The following LACTB2 variants were observed in gnomAD, a reference collection of about 807,000 sequenced individuals.
LACTB2 encodes the protein endoribonuclease LACTB2.
In LACTB2, 32 loss-of-function variants were observed where a neutral mutation model predicts 34.8. That is an observed-to-expected ratio of 0.92 (90% CI 0.69 to 1.24). The LOEUF is 1.24. Among genes scored for constraint, LACTB2 ranks in the 50% most tolerant of loss-of-function variants. LACTB2 has a pLI of 0.00. For missense variants in LACTB2, 320 were observed against 345.0 expected, an observed-to-expected ratio of 0.93 and a Z score of 0.57; for synonymous variants, 120 against 117.5, an observed-to-expected ratio of 1.02 and a Z score of -0.14.
intron 3 of LACTB2, chr8:70,652,442 T>C (rs1389624570): frequency 6.6e-6 from 1 of 152,390 alleles, no homozygotes; most frequent in East Asian, 1.9e-4. Context: ...TGAGAATTTA[T>C]ATTTTGAGAA....
intron 3 of LACTB2, among the ~76,000 whole-genome samples, chr8:70,651,486 T>C (rs1457873803): frequency 2.0e-5 from 3 of 152,214 alleles, no homozygotes; most frequent in Non-Finnish European, 2.9e-5. Flanking sequence ...GACAATCTTA[T>C]GAATACATAG....
intron 4 of LACTB2, 93 bp downstream of exon 4, chr8:70,643,971 GA>G (rs1818231860): frequency 7.9e-7 from 1 of 1,262,554 alleles, no homozygotes; most frequent in African/African-American, 1.5e-5. Context: ...AGGACTGCTT[GA>G]GGTCAGGAGT....
At chr8:70,651,730 T>C (rs1472381250) in intron 3 of LACTB2, 3 of 152,090 alleles carry the variant, frequency 2.0e-5, no homozygotes, top group Non-Finnish European at 4.4e-5. Context: ...TTTCTTAAAT[T>C]GGGGAATCAG....
At chr8:70,663,749 T>C (rs1319423073) in intron 1 of LACTB2, among the ~76,000 whole-genome samples, 2 of 152,150 alleles carry the variant, frequency 1.3e-5, no homozygotes, top group East Asian at 3.8e-4. Context: ...CGGGTCAGAG[T>C]GAGTTCTGAT....
intron 4 of LACTB2, among the ~76,000 whole-genome samples, 195 bp from the exon 5 acceptor site, chr8:70,641,245 A>T (rs1244832896): frequency 6.6e-6 from 1 of 152,228 alleles, no homozygotes; most frequent in Non-Finnish European, 1.5e-5. Flanking sequence ...CCCAATTAGA[A>T]AATTATAGCA....
intron 2 of LACTB2, 40 bp from the exon 3 acceptor site, chr8:70,657,922 A>T (rs371913134): frequency 7.1e-7 from 1 of 1,399,378 alleles, no homozygotes; most frequent in Admixed American, 2.1e-5. Context: ...TTCACACTTT[A>T]TAATTAAGCC....
At chr8:70,650,752 A>AG (rs924396510) in intron 3 of LACTB2, among the ~76,000 whole-genome samples, 3 of 148,254 alleles carry the variant, frequency 2.0e-5, no homozygotes, top group African/African-American at 7.5e-5. Context: ...AAAAAAAAAA[A>AG]AAAAAAGAAA....
Position 70,669,153 on chromosome 8 carries a change from A to T in LACTB2, c.-33T>A, listed in dbSNP as rs1056743120. 2 of 1,610,146 alleles carry T rather than the reference A, an allele frequency of 1.2e-6. No individual in the cohort carries two copies. Among genetic ancestry groups the T allele is most frequent in the African/African-American group, 1.3e-5 (1 of 74,866 alleles). On this transcript the variant is annotated 5_prime_UTR_variant, in exon 1 of 7. Transcript: ENST00000276590. ...TCAGCCGCCCGCCGGCGTGTCGCCT[A>T]TCTGGATACTCCAGCGCGGAAGAAG...
chr8:70,666,785 G>C (rs1321290002), intron 1 of LACTB2, among the ~76,000 whole-genome samples: 2 of 152,122 alleles, frequency 1.3e-5, no homozygotes, highest in Non-Finnish European at 2.9e-5. Flanking sequence ...TGTCAGGAAG[G>C]GTATTTAGGC....
intron 3 of LACTB2, chr8:70,646,636 T>C (rs1043599573): frequency 2.6e-5 from 4 of 152,098 alleles, no homozygotes; most frequent in Non-Finnish European, 4.4e-5. Flanking sequence ...ACAAAACTGA[T>C]TATAATACTT....
chr8:70,658,617 C>G (rs1026831396), intron 2 of LACTB2, among the ~76,000 whole-genome samples: 6 of 152,164 alleles, frequency 3.9e-5, no homozygotes, highest in Non-Finnish European at 5.9e-5. Flanking sequence ...AGCAGGAGTT[C>G]AGAGAGAGTT....
At chr8:70,639,262 C>T (rs1563401620) in intron 5 of LACTB2, among the ~76,000 whole-genome samples, 1 of 151,912 alleles carries the variant, frequency 6.6e-6, no homozygotes, top group Non-Finnish European at 1.5e-5. Context: ...CAGGTTCAAA[C>T]TATTCTCGTG....
At chr8:70,648,277 C>T (rs1818290054) in intron 3 of LACTB2, among the ~76,000 whole-genome samples, 1 of 152,062 alleles carries the variant, frequency 6.6e-6, no homozygotes, top group Admixed American at 6.6e-5. Flanking sequence ...TACTAGGCAT[C>T]TAAGGAAAGT....
At chr8:70,663,861 A>T (rs1043084403) in intron 1 of LACTB2, among the ~76,000 whole-genome samples, 2 of 152,126 alleles carry the variant, frequency 1.3e-5, no homozygotes, top group African/African-American at 4.8e-5. Context: ...TATTTCCACA[A>T]CCAACACCAC....
At chr8:70,653,151 C>A (rs138742368) in intron 3 of LACTB2, among the ~76,000 whole-genome samples, 17 of 152,282 alleles carry the variant, frequency 1.1e-4, no homozygotes, top group African/African-American at 4.1e-4. Context: ...TGCTCTGTCA[C>A]CAGGCTGGAG....
In LACTB2 at chr8:70,640,895, A is replaced by C. The variant is rs1818188585; in HGVS notation, c.741+7T>G. On this transcript the variant is annotated splice_region_variant and intron_variant, in intron 5 of 6. Coordinates refer to ENST00000276590, the MANE Select transcript of LACTB2 (RefSeq NM_016027.3). ...GGCTACATACAAATAAGAAAACTGA[A>C]AATTACCTTGTAAATAATTTTTACA... 1 of 1,570,626 alleles carries C rather than the reference A, an allele frequency of 6.4e-7. No homozygotes were observed. The highest frequency in any genetic ancestry group is 8.6e-7 in the Non-Finnish European group (1 of 1,162,372).
intron 3 of LACTB2, among the ~76,000 whole-genome samples, chr8:70,647,117 C>A (rs1046110878): frequency 6.6e-6 from 1 of 152,018 alleles, no homozygotes; most frequent in African/African-American, 2.4e-5. Flanking sequence ...TAAATCACAG[C>A]AAATAGCAAT....
intron 1 of LACTB2, among the ~76,000 whole-genome samples, chr8:70,668,277 C>G (rs1818563821): frequency 6.6e-6 from 1 of 152,170 alleles, no homozygotes; most frequent in Non-Finnish European, 1.5e-5. Flanking sequence ...CCAGTAAAGA[C>G]TACAAAAGTT....
At chr8:70,639,150 A>G (rs1489468418) in intron 5 of LACTB2, among the ~76,000 whole-genome samples, 1 of 151,990 alleles carries the variant, frequency 6.6e-6, no homozygotes, top group East Asian at 1.9e-4. Context: ...TAAGCTCCAT[A>G]AAGACAGTAG....
Sources: allele counts gnomAD v4.1 joint callset (sites outside exome capture counted in the v4.1 genomes callset), GRCh38; gene constraint gnomAD v4.1.1; transcripts MANE v1.5; gene names NCBI Gene and HGNC (gene_info 2026-07-23, HGNC 2026-07-21).